The following PRPF18 variants were observed in gnomAD, a reference collection of about 807,000 sequenced individuals.
The protein encoded by PRPF18 is pre-mRNA-splicing factor 18.
PRPF18 carries 38 observed loss-of-function variants against 46.5 expected under a neutral mutation model. That is an observed-to-expected ratio of 0.82 (90% confidence interval 0.63 to 1.07). The LOEUF is 1.07. Among genes scored for constraint, PRPF18 ranks in the 50% least tolerant of loss-of-function variants. The pLI is 0.00. For synonymous variants in PRPF18, 152 were observed against 146.7 expected (o/e 1.04, Z -0.26); for missense variants, 263 against 410.0 (o/e 0.64, Z 3.10).
the PRPF18 span, chr10:13,644,603 TC>T: frequency 1.3e-5 from 2 of 152,238 alleles, no homozygotes; most frequent in African/African-American, 4.8e-5. Flanking sequence ...TGGGCTAGAA[TC>T]TTGATCCAGT....
intron 3 of PRPF18, among the ~76,000 whole-genome samples, chr10:13,603,301 G>A (rs1176588607): frequency 6.6e-6 from 1 of 151,846 alleles, no homozygotes; most frequent in Non-Finnish European, 1.5e-5. Flanking sequence ...GGGAGGTGGT[G>A]GTGGTGGTGG....
chr10:13,652,231 T>C, the PRPF18 span: 1 of 528,276 alleles, frequency 1.9e-6, no homozygotes, highest in Non-Finnish European at 3.4e-6. Context: ...AGCAAACAGT[T>C]TATGCCAAGA....
At chr10:13,592,109 C>T (rs2079971722) in intron 1 of PRPF18, 1 of 583,584 alleles carries the variant, frequency 1.7e-6, no homozygotes, top group South Asian at 1.6e-5. Flanking sequence ...CGGCTGAGTA[C>T]TTCCTCTTAT....
chr10:13,616,008 C>G (rs537311958), intron 8 of PRPF18, among the ~76,000 whole-genome samples: 1 of 152,258 alleles, frequency 6.6e-6, no homozygotes, highest in African/African-American at 2.4e-5. Flanking sequence ...CCCCTGTCTT[C>G]TACATGACCC....
chr10:13,620,781 T>G (rs1006148875), intron 9 of PRPF18, among the ~76,000 whole-genome samples: 18 of 152,260 alleles, frequency 1.2e-4, no homozygotes, highest in African/African-American at 3.6e-4. Context: ...CACTGGAACA[T>G]AGATTTCATC....
chr10:13,627,531 G>T (rs1301680193), intron 9 of PRPF18, among the ~76,000 whole-genome samples: 2 of 152,144 alleles, frequency 1.3e-5, no homozygotes, highest in African/African-American at 4.8e-5. Flanking sequence ...ATCCTGAGGG[G>T]TCTAATTGAA....
intron 1 of PRPF18, among the ~76,000 whole-genome samples, chr10:13,591,045 T>C (rs891948519): frequency 6.6e-6 from 1 of 152,204 alleles, no homozygotes; most frequent in African/African-American, 2.4e-5. Context: ...GATGATGAAA[T>C]TGAGGCTTAG....
intron 9 of PRPF18, among the ~76,000 whole-genome samples, chr10:13,628,700 GTTGT>G (rs1265837215): frequency 6.6e-6 from 1 of 152,028 alleles, no homozygotes; most frequent in African/African-American, 2.4e-5. Context: ...GGATTTTTGT[GTTGT>G]TTGTTTGTTT....
chr10:13,636,022 A>G, the PRPF18 span, among the ~76,000 whole-genome samples: 1 of 152,248 alleles, frequency 6.6e-6, no homozygotes, highest in Non-Finnish European at 1.5e-5. Flanking sequence ...CATCTGTTAG[A>G]AAATTGGCAG....
intron 1 of PRPF18, chr10:13,591,411 C>G (rs1301110643): frequency 4.4e-6 from 2 of 455,944 alleles, no homozygotes; most frequent in African/African-American, 2.0e-5. Context: ...TTATTCAGTC[C>G]TCCTTTTTTG....
intron 1 of PRPF18, chr10:13,591,886 G>C (rs751633373): frequency 1.4e-6 from 2 of 1,423,274 alleles, no homozygotes; most frequent in African/African-American, 1.4e-5. Flanking sequence ...AACGTTCCCC[G>C]GGGTAATGCT....
chr10:13,609,942 G>GA (rs1331624582), intron 4 of PRPF18, 97 bp from the exon 5 acceptor site: 2 of 1,318,606 alleles, frequency 1.5e-6, no homozygotes, highest in Non-Finnish European at 2.1e-6. Context: ...TCTTGTGGGG[G>GA]AAAAAATATT....
intron 1 of PRPF18, among the ~76,000 whole-genome samples, chr10:13,595,457 A>G (rs2080020406): frequency 6.6e-6 from 1 of 152,252 alleles, no homozygotes; most frequent in African/African-American, 2.4e-5. Flanking sequence ...TATTTGAAAT[A>G]TGACAATTAT....
chr10:13,609,986 A>C, intron 4 of PRPF18, 53 bp from the exon 5 acceptor site: 1 of 1,489,128 alleles, frequency 6.7e-7, no homozygotes, highest in Non-Finnish European at 9.1e-7. Flanking sequence ...AGGTGAAAAA[A>C]CAGGTGTTCT....
the PRPF18 span, chr10:13,639,402 C>A: frequency 6.6e-6 from 1 of 152,120 alleles, no homozygotes; most frequent in Non-Finnish European, 1.5e-5. Flanking sequence ...GTGAAAGATA[C>A]TTCAGAAAAT....
chr10:13,627,194 C>G (rs538572798), intron 9 of PRPF18, among the ~76,000 whole-genome samples: 90 of 152,296 alleles, frequency 5.9e-4, no homozygotes, highest in African/African-American at 2.1e-3. Flanking sequence ...ACTTACCCCA[C>G]TTGCCTGCTT....
the PRPF18 span, chr10:13,647,061 G>A: frequency 6.3e-6 from 4 of 637,222 alleles, no homozygotes; most frequent in Non-Finnish European, 7.8e-6. Flanking sequence ...GAAAGGAGAT[G>A]AGACAGTTAG....
intron 3 of PRPF18, among the ~76,000 whole-genome samples, chr10:13,604,620 T>C (rs1236767946): frequency 6.6e-6 from 1 of 152,210 alleles, no homozygotes; most frequent in South Asian, 2.1e-4. Flanking sequence ...ATTTTCCTTC[T>C]CTCTATAAAT....
chr10:13,630,397 TTC>T lies in PRPF18; in HGVS notation c.*59_*60del. ...AAACTTAGGGAAGCAGGCTGTGGACTTCTGGAATTACCAACAGGAATGAGGAA... is the reference window on the plus strand; with the variant it reads ...AAACTTAGGGAAGCAGGCTGTGGACTTGGAATTACCAACAGGAATGAGGAA... On this transcript the variant is annotated 3_prime_UTR_variant, in exon 10 of 10. Transcript: ENST00000378572. 7.2e-7 allele frequency: 1 copy of T among 1,382,032 alleles called. No individual in the cohort carries two copies. Among genetic ancestry groups the T allele is most frequent in the Non-Finnish European group, 1.0e-6 (1 of 983,828 alleles). 85.6% of individuals were successfully genotyped at this position (1,382,032 alleles called of 1,614,324 possible).
Sources: allele counts gnomAD v4.1 joint callset (sites outside exome capture counted in the v4.1 genomes callset), GRCh38; gene constraint gnomAD v4.1.1; transcripts MANE v1.5; gene names NCBI Gene and HGNC (gene_info 2026-07-23, HGNC 2026-07-21).